PARD3B: variants seen among roughly 807,000 people sequenced by gnomAD.
PARD3B encodes partitioning defective 3 homolog B.
Under a neutral mutation model 130.2 loss-of-function variants are expected in PARD3B, and 103 were observed. The ratio of observed to expected loss-of-function variants is 0.79; its 90% CI spans 0.67 to 0.93. The LOEUF (loss-of-function observed/expected upper bound fraction) is 0.93, where lower values mean the gene tolerates loss of function less well. PARD3B is among the 40% of genes least tolerant of loss of function. PARD3B has a pLI of 0.00. For missense variants in PARD3B, 1,609 were observed against 1,499.2 expected, an observed-to-expected ratio of 1.07 and a Z score of -1.21; for synonymous variants, 583 against 553.2, an observed-to-expected ratio of 1.05 and a Z score of -0.76.
At chr2:204,665,639 T>A (rs2035989895) in intron 1 of PARD3B, among the ~76,000 whole-genome samples, 2 of 152,180 alleles carry the variant, frequency 1.3e-5, no homozygotes, top group Admixed American at 6.5e-5. Context: ...AAAATCTGGG[T>A]CTCAATTTCC....
At chr2:204,925,764 C>G (rs1282063868) in intron 2 of PARD3B, among the ~76,000 whole-genome samples, 6 of 152,064 alleles carry the variant, frequency 3.9e-5, no homozygotes, top group African/African-American at 1.2e-4. Flanking sequence ...TGTCCCCACC[C>G]AAATCTCATC....
chr2:205,439,893 A>G (rs2047651137), intron 19 of PARD3B, among the ~76,000 whole-genome samples: 2 of 152,174 alleles, frequency 1.3e-5, no homozygotes, highest in Admixed American at 1.3e-4. Context: ...ATTTAAATCA[A>G]TTTTCACAAG....
intron 16 of PARD3B, among the ~76,000 whole-genome samples, chr2:205,254,891 C>G (rs1295573559): frequency 2.0e-5 from 3 of 151,796 alleles, no homozygotes; most frequent in East Asian, 3.9e-4. Context: ...GTCTCGATCT[C>G]CTGACCTCGT....
intron 3 of PARD3B, among the ~76,000 whole-genome samples, chr2:205,009,718 T>C (rs1482875772): frequency 6.6e-6 from 1 of 151,976 alleles, no homozygotes; most frequent in East Asian, 1.9e-4. Flanking sequence ...TAATAAGTTG[T>C]GCTTATGTTT....
intron 1 of PARD3B, among the ~76,000 whole-genome samples, chr2:204,622,177 C>A (rs1166906768): frequency 6.6e-6 from 1 of 152,196 alleles, no homozygotes; most frequent in Non-Finnish European, 1.5e-5. Context: ...GAGCATGCCT[C>A]TCATTGTGCT....
rs1017471634 is a variant in PARD3B, at chr2:204,732,571, C to T, written c.222+46289C>T. On this transcript the variant is annotated intron_variant, in intron 2 of 22. Transcript: ENST00000406610. ...CCAGGCTGGAGTGCAGTGGTGCAAT[C>T]TCAGCTCACTGCAAGCTCTGCCTCC... is the stretch of plus-strand genomic sequence containing the variant. Among the ~76,000 whole-genome samples the T allele has an allele frequency of 2.7e-5, 4 of 148,550 alleles. No homozygotes were observed. The Admixed American group carries it at 2.7e-4, about 10-fold the overall frequency.
intron 2 of PARD3B, among the ~76,000 whole-genome samples, chr2:204,710,919 G>C (rs930933368): frequency 1.3e-5 from 2 of 152,186 alleles, no homozygotes; most frequent in South Asian, 4.1e-4. Flanking sequence ...CTAGCCCAGA[G>C]GATGTTGAAA....
At chr2:204,792,659 C>A (rs1017693873) in intron 2 of PARD3B, among the ~76,000 whole-genome samples, 1 of 152,010 alleles carries the variant, frequency 6.6e-6, no homozygotes, top group Admixed American at 6.6e-5. Flanking sequence ...CACCAACACC[C>A]CCACACCAAA....
chr2:204,852,857 A>G lies in PARD3B; in HGVS notation c.223-112295A>G, dbSNP rs77339879. On this transcript the variant is annotated intron_variant, in intron 2 of 22. Transcript: ENST00000406610. ...AGTTGTCACTAATAAAATATAGTATATAATAAAGGAAAGCCCACTACAATC... is the reference window on the plus strand; with the variant it reads ...AGTTGTCACTAATAAAATATAGTATGTAATAAAGGAAAGCCCACTACAATC... 4.1e-3 allele frequency among the ~76,000 whole-genome samples: 617 copies of G among 152,308 alleles called. 8 individuals are homozygous for G. The highest frequency in any genetic ancestry group is 0.014 in the African/African-American group (595 of 41,578).
chr2:205,208,801 A>T (rs1055748441), intron 15 of PARD3B, among the ~76,000 whole-genome samples: 1 of 144,954 alleles, frequency 6.9e-6, no homozygotes, highest in Non-Finnish European at 1.5e-5. Flanking sequence ...TGCCCAGGGT[A>T]ATTTACAGAT....
At chr2:204,949,173 C>T (rs919036157) in intron 2 of PARD3B, among the ~76,000 whole-genome samples, 1 of 152,198 alleles carries the variant, frequency 6.6e-6, no homozygotes, top group African/African-American at 2.4e-5. Flanking sequence ...ACTTATTTCT[C>T]TTAACCCCAA....
intron 1 of PARD3B, among the ~76,000 whole-genome samples, chr2:204,547,640 A>C (rs2030088179): frequency 6.6e-6 from 1 of 152,212 alleles, no homozygotes; most frequent in East Asian, 1.9e-4. Context: ...ACATTACTCC[A>C]GACAGATTAT....
chr2:205,418,821 C>T (rs2106083549), intron 19 of PARD3B, among the ~76,000 whole-genome samples: 1 of 152,026 alleles, frequency 6.6e-6, no homozygotes, highest in East Asian at 1.9e-4. Flanking sequence ...CTAAAGCTGA[C>T]AGAATATAGT....
chr2:205,361,354 C>T (rs562782421), intron 18 of PARD3B, among the ~76,000 whole-genome samples: 18 of 152,290 alleles, frequency 1.2e-4, no homozygotes, highest in African/African-American at 4.3e-4. Context: ...CCATAGTAGA[C>T]ATAAATTTAC....
At chr2:204,554,297 A>G (rs1368812069) in intron 1 of PARD3B, among the ~76,000 whole-genome samples, 2 of 152,200 alleles carry the variant, frequency 1.3e-5, no homozygotes, top group African/African-American at 4.8e-5. Flanking sequence ...TGCCAGCTCT[A>G]TATACGGCTT....
intron 18 of PARD3B, among the ~76,000 whole-genome samples, chr2:205,345,384 C>G (rs1303565217): frequency 4.6e-5 from 7 of 152,080 alleles, no homozygotes; most frequent in Non-Finnish European, 8.8e-5. Flanking sequence ...TCTCTTTCTT[C>G]TGGGTATAGG....
chr2:205,559,385 A>G (rs1480666636), intron 22 of PARD3B, among the ~76,000 whole-genome samples: 1 of 152,034 alleles, frequency 6.6e-6, no homozygotes, highest in African/African-American at 2.4e-5. Flanking sequence ...AGCTTAAACA[A>G]TCAGCTTGCC....
chr2:205,191,073 T>G, intron 14 of PARD3B, among the ~76,000 whole-genome samples: 1 of 43,752 alleles, frequency 2.3e-5, no homozygotes, highest in African/African-American at 9.8e-5. Flanking sequence ...AGGAAAGAAA[T>G]AGAAAAAAAA....
At chr2:205,143,195 T>G (rs1033751141) in intron 10 of PARD3B, among the ~76,000 whole-genome samples, 2 of 152,220 alleles carry the variant, frequency 1.3e-5, no homozygotes, top group Non-Finnish European at 2.9e-5. Context: ...TTTTTCCTTA[T>G]GTATGATTTC....
Sources: allele counts gnomAD v4.1 joint callset (sites outside exome capture counted in the v4.1 genomes callset), GRCh38; gene constraint gnomAD v4.1.1; transcripts MANE v1.5; gene names NCBI Gene and HGNC (gene_info 2026-07-23, HGNC 2026-07-21).